The following ST3GAL6 variants were observed in gnomAD, a reference collection of about 807,000 sequenced individuals.
ST3GAL6 encodes the protein ST3 beta-galactoside alpha-2,3-sialyltransferase 6.
In ST3GAL6, 31 loss-of-function variants were observed where a neutral mutation model predicts 40.5. The observed-to-expected ratio is 0.77, with a 90% CI of 0.58 to 1.03. ST3GAL6 has a LOEUF of 1.03. Among genes scored for constraint, ST3GAL6 ranks in the 50% least tolerant of loss-of-function variants. The pLI is 0.00. For synonymous variants in ST3GAL6, 129 were observed against 136.9 expected (o/e 0.94, Z 0.40); for missense variants, 357 against 393.2 (o/e 0.91, Z 0.78).
chr3:98,756,460 T>C, intron 1 of ST3GAL6: 1 of 1,289,572 alleles, frequency 7.8e-7, no homozygotes, highest in Non-Finnish European at 1.0e-6. Flanking sequence ...TCCTGAGTCT[T>C]TGGCAGCCTG....
chr3:98,750,338 A>T (rs1286228534), intron 1 of ST3GAL6, among the ~76,000 whole-genome samples: 1 of 152,212 alleles, frequency 6.6e-6, no homozygotes, highest in Non-Finnish European at 1.5e-5. Flanking sequence ...GTTTTTGGAC[A>T]TTTGAATGTG....
intron 1 of ST3GAL6, among the ~76,000 whole-genome samples, chr3:98,736,501 A>G (rs1935558008): frequency 6.6e-6 from 1 of 152,180 alleles, no homozygotes; most frequent in Non-Finnish European, 1.5e-5. Context: ...CTCACCTTCC[A>G]CAGGTTGTGG....
Position 98,788,467 on chromosome 3 carries a change from T to C in ST3GAL6, c.756+4T>C. Reference sequence around the variant, plus strand: ...AAAAGTGTTTCCCAAAAATCAGGTATGTATTTATCTCTGCATGGTTTCAAA... The same window carrying C: ...AAAAGTGTTTCCCAAAAATCAGGTACGTATTTATCTCTGCATGGTTTCAAA... On this transcript the variant is annotated splice_donor_region_variant and intron_variant, in intron 8 of 9. Transcript: ENST00000483910. 6.2e-7 allele frequency: 1 copy of C among 1,603,372 alleles called. No homozygotes were observed. Among genetic ancestry groups the C allele is most frequent in the Non-Finnish European group, 8.5e-7 (1 of 1,175,704 alleles).
chr3:98,771,320 CT>C, intron 3 of ST3GAL6: 1 of 374,548 alleles, frequency 2.7e-6, no homozygotes, highest in Non-Finnish European at 4.6e-6. Context: ...CCTTCCTTGC[CT>C]CTAGGTTAAA....
intron 1 of ST3GAL6, chr3:98,732,828 C>T (rs1417025873): frequency 1.3e-6 from 2 of 1,498,530 alleles, no homozygotes; most frequent in East Asian, 2.7e-5. Context: ...CGCCACCTTC[C>T]TTTGGTTTCT....
In ST3GAL6 at chr3:98,785,026, T is replaced by C. The variant is rs1196003215; in HGVS notation, c.417T>C (p.Tyr139=). ...NKTLGEKIDS[Y]DVIIRMNNGP... Reference sequence around the variant, plus strand: ...CATTAGGAGAAAAAATCGACTCCTATGATGTAATAATAAGGTAAATATATT... The same window carrying C: ...CATTAGGAGAAAAAATCGACTCCTACGATGTAATAATAAGGTAAATATATT... The change falls in exon 6 of 10, where the codon TAT becomes TAC. Residue 139 remains tyrosine, a synonymous_variant. Coordinates refer to ENST00000483910, the MANE Select transcript of ST3GAL6 (RefSeq NM_001323368.2). 13 of 1,601,598 alleles carry C rather than the reference T, an allele frequency of 8.1e-6. No homozygotes were observed. Among genetic ancestry groups the C allele is most frequent in the Non-Finnish European group, 1.1e-5 (13 of 1,168,940 alleles).
At chr3:98,734,779 C>T (rs1935384457) in intron 1 of ST3GAL6, among the ~76,000 whole-genome samples, 1 of 152,132 alleles carries the variant, frequency 6.6e-6, no homozygotes. Context: ...TAGTCTGTCT[C>T]CTGTGAAATT....
chr3:98,738,529 C>T (rs532814888), intron 1 of ST3GAL6, among the ~76,000 whole-genome samples: 21 of 152,314 alleles, frequency 1.4e-4, no homozygotes, highest in Admixed American at 2.0e-4. Flanking sequence ...CCTCCTGCCT[C>T]GGCCTCCCAA....
At chr3:98,760,494 C>T (rs1399948382), upstream of ST3GAL6, among the ~76,000 whole-genome samples, 1 of 152,158 alleles carries the variant, frequency 6.6e-6, no homozygotes, top group East Asian at 1.9e-4. Flanking sequence ...TTCTCCATAT[C>T]CTAAAGTCGA....
intron 1 of ST3GAL6, among the ~76,000 whole-genome samples, chr3:98,754,176 T>C (rs2107354470): frequency 6.6e-6 from 1 of 152,342 alleles, no homozygotes; most frequent in South Asian, 2.1e-4. Context: ...CAAAGCCTTC[T>C]GGAAAGAATT....
intron 1 of ST3GAL6, chr3:98,733,625 T>G (rs1935252689): frequency 1.0e-6 from 1 of 984,920 alleles, no homozygotes; most frequent in African/African-American, 1.7e-5. Flanking sequence ...CTGCTGTTAA[T>G]TTTCAAGATA....
chr3:98,733,296 G>A (rs1370096025), intron 1 of ST3GAL6: 4 of 985,330 alleles, frequency 4.1e-6, no homozygotes, highest in Non-Finnish European at 4.8e-6. Flanking sequence ...AAGGGCGGGA[G>A]GGACGCGCAG....
intron 6 of ST3GAL6, among the ~76,000 whole-genome samples, chr3:98,786,377 A>G (rs894044795): frequency 3.3e-5 from 5 of 152,200 alleles, no homozygotes; most frequent in African/African-American, 1.2e-4. Flanking sequence ...AAGCCAAGAG[A>G]GCAAAGTGTT....
Position 98,773,940 on chromosome 3 carries a change from C to T in ST3GAL6, c.292C>T (p.Leu98Phe). 1 of 1,613,436 alleles carries T rather than the reference C, an allele frequency of 6.2e-7. No individual in the cohort carries two copies. ...TCTAGCGGAATATTTTCGACTTGCT[C>T]TTTCAAAACTGCAGAGTTGTGATCT... ...RTSAEYFRLA[L>F]SKLQSCDLFD... Residue 98 changes from leucine (L) to phenylalanine (F), a missense_variant, in exon 5 of 10, where the codon CTT becomes TTT. Transcript: ENST00000483910.
At chr3:98,742,531 A>G (rs1936178893) in intron 1 of ST3GAL6, among the ~76,000 whole-genome samples, 1 of 152,198 alleles carries the variant, frequency 6.6e-6, no homozygotes, top group African/African-American at 2.4e-5. Context: ...GAATATCAGC[A>G]TATTTGCAGC....
chr3:98,745,636 TC>T (rs898750533), intron 1 of ST3GAL6, among the ~76,000 whole-genome samples: 20 of 152,220 alleles, frequency 1.3e-4, no homozygotes, highest in Non-Finnish European at 2.6e-4. Context: ...TTTTTAAAAA[TC>T]ACCAACTTTC....
intron 5 of ST3GAL6, chr3:98,783,371 C>G (rs1940369489): frequency 6.0e-6 from 1 of 167,904 alleles, no homozygotes; most frequent in Non-Finnish European, 1.2e-5. Flanking sequence ...TTAACTGACT[C>G]ACACTGACTG....
At chr3:98,769,592 G>A (rs150177099) in intron 2 of ST3GAL6, among the ~76,000 whole-genome samples, 4 of 152,096 alleles carry the variant, frequency 2.6e-5, no homozygotes, top group African/African-American at 9.7e-5. Flanking sequence ...GATAAAGAAG[G>A]TGATGAAAAG....
intron 1 of ST3GAL6, chr3:98,732,989 C>G (rs998274384): frequency 1.3e-4 from 198 of 1,488,326 alleles, no homozygotes; most frequent in Non-Finnish European, 1.7e-4. Context: ...CGGCCGGCTT[C>G]GCTGCGGGTT....
Sources: allele counts gnomAD v4.1 joint callset (sites outside exome capture counted in the v4.1 genomes callset), GRCh38; gene constraint gnomAD v4.1.1; transcripts MANE v1.5; gene names NCBI Gene and HGNC (gene_info 2026-07-23, HGNC 2026-07-21).